Variants in MDN1 observed in about 807,000 individuals in gnomAD.
The protein encoded by MDN1 is midasin.
MDN1 carries 266 observed loss-of-function variants against 669.2 expected under a neutral mutation model. That is an observed-to-expected ratio of 0.40 (90% confidence interval 0.36 to 0.44). MDN1 has a LOEUF of 0.44. Among genes scored for constraint, MDN1 ranks in the 20% least tolerant of loss-of-function variants. The pLI is 1.00. For missense variants in MDN1, 5,940 were observed against 6,754.0 expected (o/e 0.88, Z 4.22); for synonymous variants, 2,385 against 2,457.1 (o/e 0.97, Z 0.87).
intron 31 of MDN1, among the ~76,000 whole-genome samples, chr6:89,741,485 C>A (rs772020758): frequency 2.0e-5 from 3 of 151,958 alleles, no homozygotes. Flanking sequence ...TAGCGCCCCC[C>A]CAAAACTAAC....
intron 97 of MDN1, among the ~76,000 whole-genome samples, chr6:89,649,157 A>G (rs952054663): frequency 1.3e-5 from 2 of 152,344 alleles, no homozygotes; most frequent in Middle Eastern, 3.4e-3. Context: ...CTGTAGAACT[A>G]TATCAGAAAA....
chr6:89,811,159 T>C (rs1189986742), intron 1 of MDN1, among the ~76,000 whole-genome samples: 7 of 152,182 alleles, frequency 4.6e-5, no homozygotes, highest in Non-Finnish European at 8.8e-5. Context: ...CCTAGTATTC[T>C]GCATGAATAC....
At chr6:89,815,025 G>C (rs756862528) in intron 1 of MDN1, 9 of 585,646 alleles carry the variant, frequency 1.5e-5, no homozygotes, top group Middle Eastern at 6.4e-4. Flanking sequence ...CCCAGGTGAA[G>C]GCCAGGAGGA....
rs933602710 is a variant in MDN1, at chr6:89,643,101, G to T, written c.*904C>A. 4.6e-5 allele frequency: 7 copies of T among 152,120 alleles called. No homozygotes were observed. Among genetic ancestry groups the T allele is most frequent in the Non-Finnish European group, 1.0e-4 (7 of 68,030 alleles). The allele number at this position is 152,120 out of a possible 1,614,324, so 9.4% of individuals were successfully genotyped here. A position where few individuals can be genotyped will look rare whatever the true frequency, so the allele number is the denominator to read the frequency against. ...AACTGCCTAAAGATCAGTTTCTTTC[G>T]ACTGGAAAAAATAGATGGAGCTGCT... On this transcript the variant is annotated 3_prime_UTR_variant, in exon 102 of 102. Transcript: ENST00000369393.
chr6:89,689,802 A>G (rs1812255151), intron 65 of MDN1, 68 bp downstream of exon 65: 11 of 1,509,946 alleles, frequency 7.3e-6, no homozygotes, highest in Non-Finnish European at 9.9e-6. Context: ...ATTGTTACAG[A>G]GTAGCAACAG....
At chr6:89,742,770 T>C (rs1281179453) in intron 31 of MDN1, among the ~76,000 whole-genome samples, 1 of 152,160 alleles carries the variant, frequency 6.6e-6, no homozygotes, top group Non-Finnish European at 1.5e-5. Context: ...GGGATATAAT[T>C]CACTTTAAAA....
intron 76 of MDN1, among the ~76,000 whole-genome samples, chr6:89,676,411 C>G (rs1811193501): frequency 6.6e-6 from 1 of 152,168 alleles, no homozygotes; most frequent in African/African-American, 2.4e-5. Flanking sequence ...ATAAATTATG[C>G]TGACAACATG....
chr6:89,778,867 T>C (rs957397777), intron 11 of MDN1, among the ~76,000 whole-genome samples: 13 of 146,894 alleles, frequency 8.8e-5, no homozygotes, highest in South Asian at 4.3e-4. Context: ...GCCTGGGTAA[T>C]AGAGCGAGAC....
intron 22 of MDN1, among the ~76,000 whole-genome samples, chr6:89,752,427 C>T (rs200572970): frequency 8.5e-5 from 13 of 152,262 alleles, no homozygotes; most frequent in East Asian, 7.7e-4. Flanking sequence ...GTTACTTGTA[C>T]GATTTTTTAA....
At chr6:89,744,785 A>G (rs1816503184) in intron 29 of MDN1, among the ~76,000 whole-genome samples, 1 of 150,276 alleles carries the variant, frequency 6.7e-6, no homozygotes, top group Non-Finnish European at 1.5e-5. Flanking sequence ...TGGGAGGCTG[A>G]GCCAGGAGGA....
At chr6:89,802,146 T>C (rs961347268) in intron 2 of MDN1, among the ~76,000 whole-genome samples, 2 of 152,146 alleles carry the variant, frequency 1.3e-5, no homozygotes, top group Admixed American at 1.3e-4. Flanking sequence ...CATATCAGAA[T>C]AGAGAAAGCC....
intron 29 of MDN1, among the ~76,000 whole-genome samples, chr6:89,744,445 T>C (rs9362675): frequency 0.84 from 127,527 of 151,650 alleles, 53,851 homozygotes; most frequent in East Asian, 1. Flanking sequence ...TCCTGTTGCC[T>C]AGGCTGGAGT....
chr6:89,784,741 G>T (rs531151250), intron 9 of MDN1, among the ~76,000 whole-genome samples: 25 of 150,470 alleles, frequency 1.7e-4, no homozygotes, highest in African/African-American at 5.1e-4. Flanking sequence ...CAATGATACT[G>T]AGGAATTACT....
At chr6:89,802,712 G>A (rs1350047069) in intron 2 of MDN1, among the ~76,000 whole-genome samples, 6 of 151,852 alleles carry the variant, frequency 4.0e-5, no homozygotes, top group Non-Finnish European at 8.8e-5. Context: ...AGAGAAGAAA[G>A]AAATGTCCTA....
intron 1 of MDN1, among the ~76,000 whole-genome samples, chr6:89,816,823 C>A (rs997740378): frequency 6.6e-6 from 1 of 151,816 alleles, no homozygotes; most frequent in African/African-American, 2.4e-5. Flanking sequence ...TACAGGTGCC[C>A]GCCACCATGC....
Position 89,690,800 on chromosome 6 carries a change from A to G in MDN1, c.10622T>C (p.Ile3541Thr), listed in dbSNP as rs369806749. Reference sequence around the variant, plus strand: ...TTCCTGCTCAGCCTTCTCTTGGGCTATGCGTTCCTGCTCATCCCACTCACT... The same window carrying G: ...TTCCTGCTCAGCCTTCTCTTGGGCTGTGCGTTCCTGCTCATCCCACTCACT... ...IISEWDEQER[I>T]AQEKAEQESG... The change falls in exon 64 of 102, where the codon ATA becomes ACA. Residue 3541 changes from isoleucine (I) to threonine (T), a missense_variant. Around this residue, in one of 5 missense-constraint regions of MDN1, gnomAD observed 2,280 missense variants for 2,576.3 expected, o/e 0.88. Coordinates refer to ENST00000369393, the MANE Select transcript of MDN1 (RefSeq NM_014611.3). 41 of 1,613,994 alleles carry G rather than the reference A, an allele frequency of 2.5e-5. No individual in the cohort carries two copies. Among genetic ancestry groups the G allele is most frequent in the South Asian group, 8.8e-5 (8 of 91,066 alleles).
intron 50 of MDN1, among the ~76,000 whole-genome samples, chr6:89,710,171 C>T (rs1438380702): frequency 6.6e-6 from 1 of 152,150 alleles, no homozygotes; most frequent in Non-Finnish European, 1.5e-5. Context: ...GTAGACAACA[C>T]AAAGCTAAGG....
rs1818257085 is a variant in MDN1, at chr6:89,774,551, G to A, written c.1934+70C>T. 7 of 1,116,648 alleles carry A rather than the reference G, an allele frequency of 6.3e-6. No individual in the cohort carries two copies. In the Admixed American group the frequency reaches 1.2e-4, roughly 19 times the overall value. The allele number at this position is 1,116,648 out of a possible 1,614,324, so 69.2% of individuals were successfully genotyped here. On this transcript the variant is annotated intron_variant, in intron 13 of 101. Transcript: ENST00000369393. ...CATGTGTTTTGCACAAAGACAAGAG[G>A]CTGAGCTAGACCTTCTGTCAAGTTT...
In MDN1 at chr6:89,678,664, G is replaced by A; in HGVS notation, c.12347C>T (p.Ala4116Val). The A allele has an allele frequency of 1.2e-6, 2 of 1,614,100 alleles. No homozygotes were observed. The highest frequency in any genetic ancestry group is 2.2e-5 in the East Asian group (1 of 44,874). ...SAEKEKQRSE[A>V]KHILMQKQRA... ...CTGTTTTTGCATGAGAATGTGCTTG[G>A]CTTCTGACCGCTGCTTCTCCTTCTC... Residue 4116 changes from alanine to valine, a missense_variant, in exon 75 of 102, where the codon GCC becomes GTC. Coordinates refer to ENST00000369393, the MANE Select transcript of MDN1 (RefSeq NM_014611.3).
Sources: allele counts gnomAD v4.1 joint callset (sites outside exome capture counted in the v4.1 genomes callset), GRCh38; gene constraint gnomAD v4.1.1; regional missense constraint gnomAD v4.1.1; transcripts MANE v1.5; gene names NCBI Gene and HGNC (gene_info 2026-07-23, HGNC 2026-07-21).